PREX2: variants seen among roughly 807,000 people sequenced by gnomAD.
PREX2 encodes phosphatidylinositol 3,4,5-trisphosphate-dependent Rac exchanger 2 protein.
Under a neutral mutation model 203.2 loss-of-function variants are expected in PREX2, and 107 were observed. That is an observed-to-expected ratio of 0.53 (90% CI 0.45 to 0.62). The LOEUF (loss-of-function observed/expected upper bound fraction) is 0.62, where lower values mean the gene tolerates loss of function less well. Ranked by LOEUF, PREX2 falls within the 20% of genes least tolerant of loss-of-function variation. PREX2 has a pLI of 0.00. For synonymous variants in PREX2, 672 were observed against 663.6 expected (o/e 1.01, Z -0.19); for missense variants, 1,777 against 1,955.9 (o/e 0.91, Z 1.72).
At chr8:68,042,541 A>G (rs957815191) in intron 7 of PREX2, among the ~76,000 whole-genome samples, 2 of 152,174 alleles carry the variant, frequency 1.3e-5, no homozygotes, top group East Asian at 3.9e-4. Flanking sequence ...ATGTATCACA[A>G]TTTAATTATT....
At chr8:68,097,224 A>G in intron 22 of PREX2, 23 bp downstream of exon 22, 1 of 1,577,222 alleles carries the variant, frequency 6.3e-7, no homozygotes. Context: ...CTGAAGAAAT[A>G]AGATTTTTTG....
At chr8:67,953,661 T>G (rs988537887) in intron 1 of PREX2, among the ~76,000 whole-genome samples, 3 of 152,160 alleles carry the variant, frequency 2.0e-5, no homozygotes, top group African/African-American at 7.2e-5. Context: ...TAAAATTCAC[T>G]TCTTGGCTGT....
chr8:68,102,931 G>A (rs775176887), intron 23 of PREX2: 4 of 517,604 alleles, frequency 7.7e-6, no homozygotes, highest in East Asian at 5.5e-5. Flanking sequence ...GGGACAATTC[G>A]GAAGTAAAAT....
chr8:68,156,374 G>A (rs1439092309), intron 34 of PREX2, among the ~76,000 whole-genome samples: 5 of 152,168 alleles, frequency 3.3e-5, no homozygotes, highest in South Asian at 2.1e-4. Flanking sequence ...TCTGACATAC[G>A]TTAATGCACA....
chr8:68,016,016 A>G (rs1807400174), intron 1 of PREX2, among the ~76,000 whole-genome samples: 1 of 152,210 alleles, frequency 6.6e-6, no homozygotes, highest in South Asian at 2.1e-4. Flanking sequence ...TGAAACATGA[A>G]CTGGTTGAAT....
In PREX2 at chr8:68,118,607, G is replaced by A; in HGVS notation, c.3384G>A (p.Gln1128=). 1.2e-6 allele frequency: 2 copies of A among 1,614,106 alleles called. No homozygotes were observed. Among genetic ancestry groups the A allele is most frequent in the Non-Finnish European group, 1.7e-6 (2 of 1,179,958 alleles). Residue 1128 remains glutamine, a synonymous_variant, in exon 27 of 40, where the codon CAG becomes CAA. Transcript: ENST00000288368. ...CCTTCACCAGCATCTGCAGCAGCCA[G>A]TGCAGCTCGTATTTCCACAGTGATG... The part of the protein sequence containing the change: ...IASFTSICSS[Q]CSSYFHSDEM...
intron 1 of PREX2, among the ~76,000 whole-genome samples, chr8:67,990,467 T>G (rs569973648): frequency 2.0e-5 from 3 of 151,658 alleles, no homozygotes; most frequent in Admixed American, 6.6e-5. Flanking sequence ...CTGGGAATCA[T>G]TTTGCCTTTT....
In PREX2 at chr8:68,080,756, A is replaced by C; in HGVS notation, c.1796A>C (p.Asn599Thr). Reference sequence around the variant, plus strand: ...TATTTTGCATTTCAGATTAAATCCAATGAAGGCAGCTATGGCTTTGGATTA... The same window carrying C: ...TATTTTGCATTTCAGATTAAATCCACTGAAGGCAGCTATGGCTTTGGATTA... ...VIAKSLLIKS[N>T]EGSYGFGLED... The change falls in exon 17 of 40, where the codon AAT becomes ACT. Residue 599 changes from asparagine to threonine, a missense_variant. Asn to Thr is a moderately conservative substitution (Grantham distance 65). Coordinates refer to ENST00000288368, the MANE Select transcript of PREX2 (RefSeq NM_024870.4). The C allele has an allele frequency of 6.4e-7, 1 of 1,559,432 alleles. No individual in the cohort carries two copies. Among genetic ancestry groups the C allele is most frequent in the Non-Finnish European group, 8.7e-7 (1 of 1,145,320 alleles).
chr8:68,103,417 A>G (rs1400924154), intron 23 of PREX2, among the ~76,000 whole-genome samples: 3 of 152,214 alleles, frequency 2.0e-5, no homozygotes, highest in Admixed American at 2.0e-4. Context: ...TCAATAATTC[A>G]CGAATTAGCT....
chr8:68,208,843 C>A (rs1025535752), intron 37 of PREX2, among the ~76,000 whole-genome samples: 4 of 151,960 alleles, frequency 2.6e-5, no homozygotes, highest in Non-Finnish European at 5.9e-5. Context: ...AATCCCAGCA[C>A]TTTGCGAGGC....
chr8:67,976,009 C>G (rs1050521701), intron 1 of PREX2, among the ~76,000 whole-genome samples: 3 of 151,616 alleles, frequency 2.0e-5, no homozygotes, highest in East Asian at 1.9e-4. Flanking sequence ...AGTCACTATG[C>G]CTGGCCAGGA....
intron 35 of PREX2, among the ~76,000 whole-genome samples, chr8:68,186,787 C>T (rs999688785): frequency 1.3e-5 from 2 of 152,220 alleles, no homozygotes; most frequent in South Asian, 2.1e-4. Context: ...GCTGGGATTA[C>T]AGGTGTGAGC....
At chr8:68,091,046 A>G (rs948622813) in intron 20 of PREX2, among the ~76,000 whole-genome samples, 2 of 152,194 alleles carry the variant, frequency 1.3e-5, no homozygotes, top group African/African-American at 4.8e-5. Flanking sequence ...TAGAATATGT[A>G]ATGATCATTG....
At chr8:68,077,598 G>A in intron 15 of PREX2, 129 bp downstream of exon 15, 1 of 742,290 alleles carries the variant, frequency 1.3e-6, no homozygotes, top group Non-Finnish European at 2.4e-6. Context: ...GTCTTGCCAT[G>A]GGTTCAGGTT....
At chr8:67,965,873 A>G (rs1006733833) in intron 1 of PREX2, among the ~76,000 whole-genome samples, 1 of 152,188 alleles carries the variant, frequency 6.6e-6, no homozygotes, top group African/African-American at 2.4e-5. Flanking sequence ...CATGTTATTC[A>G]TGGAAGAGCA....
intron 1 of PREX2, among the ~76,000 whole-genome samples, chr8:67,999,410 G>T (rs1019616538): frequency 7.6e-6 from 1 of 132,248 alleles, no homozygotes; most frequent in Non-Finnish European, 1.6e-5. Context: ...GAACCATGAA[G>T]AAATCGATTC....
In PREX2 at chr8:68,217,655, G is replaced by A. The variant is rs368722149; in HGVS notation, c.4644G>A (p.Leu1548=). The A allele has an allele frequency of 9.9e-6, 16 of 1,614,130 alleles. No homozygotes were observed. Among genetic ancestry groups the A allele is most frequent in the Non-Finnish European group, 1.4e-5 (16 of 1,180,004 alleles). Residue 1548 remains leucine (L), a synonymous_variant, in exon 38 of 40, where the codon CTG becomes CTA. Transcript: ENST00000288368. ...LSVTLEQAII[L]ARSHGLPPRY... The stretch of plus-strand genomic sequence containing the variant: ...TGACGCTGGAGCAAGCCATCATTCT[G>A]GCCAGAAGCCACGGACTGCCACCTC...
rs544010454 is a variant in PREX2 at position 68,028,977 on chromosome 8, T to A, written c.544-1520T>A. 5.9e-5 allele frequency among the ~76,000 whole-genome samples: 9 copies of A among 152,182 alleles called. No individual in the cohort carries two copies. The East Asian group carries it at 1.7e-3, about 29-fold the overall frequency. ...GACCTCCTTTCCGTTTTCTGGTAGA[T>A]TATCTCCACAAAGCAACATGAAAAA... is the stretch of plus-strand genomic sequence containing the variant. On this transcript the variant is annotated intron_variant, in intron 5 of 39. Coordinates refer to ENST00000288368, the MANE Select transcript of PREX2 (RefSeq NM_024870.4).
chr8:68,021,361 ATGAT>A (rs151296831), intron 3 of PREX2, among the ~76,000 whole-genome samples: 1 of 152,310 alleles, frequency 6.6e-6, no homozygotes, highest in East Asian at 1.9e-4. Flanking sequence ...GAAAGTATTC[ATGAT>A]TTCCTGACTT....
Sources: allele counts gnomAD v4.1 joint callset (sites outside exome capture counted in the v4.1 genomes callset), GRCh38; gene constraint gnomAD v4.1.1; transcripts MANE v1.5; gene names NCBI Gene and HGNC (gene_info 2026-07-23, HGNC 2026-07-21).